The following UTS2 variants were observed in gnomAD, a reference collection of about 807,000 sequenced individuals.
The protein encoded by UTS2 is urotensin-2.
Under a neutral mutation model 12.6 loss-of-function variants are expected in UTS2, and 10 were observed. That is an observed-to-expected ratio of 0.80 (90% CI 0.49 to 1.35). UTS2 has a LOEUF of 1.35. UTS2 is among the 40% of genes most tolerant of loss of function. The pLI, the probability that UTS2 is intolerant of heterozygous loss-of-function variation, is 0.00. For missense variants in UTS2, 142 were observed against 143.2 expected (o/e 0.99, Z 0.04); for synonymous variants, 52 against 50.0 (o/e 1.04, Z -0.17).
chr1:7,853,244 G>A, upstream of UTS2: 1 of 1,602,470 alleles, frequency 6.2e-7, no homozygotes, highest in Non-Finnish European at 8.5e-7. Context: ...GTTGCCTAGT[G>A]TACAAAGTAG....
chr1:7,902,633 G>C, the UTS2 span, among the ~76,000 whole-genome samples: 2 of 152,084 alleles, frequency 1.3e-5, no homozygotes, highest in Non-Finnish European at 2.9e-5. Context: ...CGCTATGTTG[G>C]CCAGGCTGGT....
In UTS2 at chr1:7,847,709, A is replaced by AT. The variant is rs1348657211; in HGVS notation, c.*56dup. 7 of 1,355,148 alleles carry AT rather than the reference A, an allele frequency of 5.2e-6. No homozygotes were observed. The highest frequency in any genetic ancestry group is 2.5e-5 in the South Asian group (2 of 81,514). The allele number at this position is 1,355,148 out of a possible 1,614,324, so 83.9% of individuals were successfully genotyped here. A position where few individuals can be genotyped will look rare whatever the true frequency, so the allele number is the denominator to read the frequency against. On this transcript the variant is annotated 3_prime_UTR_variant, in exon 4 of 4. Coordinates refer to ENST00000361696, the MANE Select transcript of UTS2 (RefSeq NM_006786.4). ...CTGTTTTCAAATCAAGCATTGTGTT[A>AT]TTTTTCATATTCTAAGATGGGTGTT...
chr1:7,892,668 G>A, the UTS2 span, among the ~76,000 whole-genome samples: 7 of 151,512 alleles, frequency 4.6e-5, no homozygotes, highest in Non-Finnish European at 7.4e-5. Context: ...TAGTAGAGGC[G>A]GGGAGGCGGG....
chr1:7,907,813 G>A, the UTS2 span, among the ~76,000 whole-genome samples: 2 of 151,926 alleles, frequency 1.3e-5, no homozygotes, highest in South Asian at 2.1e-4. Flanking sequence ...CATTCCTTCC[G>A]GAATACTAAG....
chr1:7,909,537 ACT>A, the UTS2 span, among the ~76,000 whole-genome samples: 1 of 124,242 alleles, frequency 8.0e-6, no homozygotes, highest in Admixed American at 9.2e-5. Flanking sequence ...ACAGAGCAAG[ACT>A]CTGTCTCAAA....
the UTS2 span, among the ~76,000 whole-genome samples, chr1:7,866,352 G>A: frequency 6.6e-6 from 1 of 152,164 alleles, no homozygotes; most frequent in South Asian, 2.1e-4. This position sits in a 1 kb window ranked among gnomAD's most constrained non-coding sequence, Gnocchi z 4.5. Context: ...GACAGTAGAG[G>A]GGGTGTCAAG....
chr1:7,899,336 G>A, the UTS2 span, among the ~76,000 whole-genome samples: 1 of 152,138 alleles, frequency 6.6e-6, no homozygotes, highest in Non-Finnish European at 1.5e-5. Context: ...TACAGCGATC[G>A]TGACCATCTT....
the UTS2 span, among the ~76,000 whole-genome samples, chr1:7,903,971 C>G: frequency 0.063 from 9,541 of 152,168 alleles, 999 homozygotes; most frequent in African/African-American, 0.22. Flanking sequence ...GATGTACCTT[C>G]CACACAAGGG....
the UTS2 span, among the ~76,000 whole-genome samples, chr1:7,873,765 G>A: frequency 3.9e-5 from 6 of 152,122 alleles, no homozygotes; most frequent in Non-Finnish European, 7.3e-5. Flanking sequence ...AGAATATTCC[G>A]TAAACTTACT....
upstream of UTS2, among the ~76,000 whole-genome samples, chr1:7,853,831 G>C (rs576842122): frequency 1.1e-4 from 17 of 152,318 alleles, no homozygotes; most frequent in Middle Eastern, 0.01. Flanking sequence ...GTCTGCCTTC[G>C]GGCCTGCCAC....
At chr1:7,889,820 A>G in the UTS2 span, among the ~76,000 whole-genome samples, 4 of 152,152 alleles carry the variant, frequency 2.6e-5, no homozygotes, top group African/African-American at 9.7e-5. Flanking sequence ...TAATCACAGC[A>G]CTTTGGGAGG....
At chr1:7,895,377 T>A in the UTS2 span, among the ~76,000 whole-genome samples, 61,519 of 150,760 alleles carry the variant, frequency 0.41, 13,023 homozygotes, top group East Asian at 0.6. Flanking sequence ...CCCAAAAAAA[T>A]AAATAAATAA....
At chr1:7,860,345 CAAGG>C in the UTS2 span, among the ~76,000 whole-genome samples, 1 of 152,092 alleles carries the variant, frequency 6.6e-6, no homozygotes, top group South Asian at 2.1e-4. Flanking sequence ...CAGCGAGTGC[CAAGG>C]CCCTGGGGTG....
At chr1:7,877,139 A>G in the UTS2 span, among the ~76,000 whole-genome samples, 4 of 66,828 alleles carry the variant, frequency 6.0e-5, no homozygotes, top group Non-Finnish European at 1.3e-4. Flanking sequence ...AAAAAAAAAA[A>G]AAAGAAAAAA....
the UTS2 span, among the ~76,000 whole-genome samples, chr1:7,891,363 T>A: frequency 1.3e-5 from 2 of 151,814 alleles, no homozygotes; most frequent in Admixed American, 1.3e-4. Context: ...CGGTCTCTAC[T>A]AAAAATACAA....
chr1:7,886,108 C>G, the UTS2 span, among the ~76,000 whole-genome samples: 2 of 152,082 alleles, frequency 1.3e-5, no homozygotes, highest in African/African-American at 4.8e-5. Flanking sequence ...GTGCCCTACC[C>G]GGTAGCAGGA....
the UTS2 span, among the ~76,000 whole-genome samples, chr1:7,892,394 C>A: frequency 6.6e-6 from 1 of 151,746 alleles, no homozygotes; most frequent in South Asian, 2.1e-4. Context: ...CTTGGCCCTG[C>A]CTCCATCTGC....
At chr1:7,869,162 G>A in the UTS2 span, among the ~76,000 whole-genome samples, 1 of 152,224 alleles carries the variant, frequency 6.6e-6, no homozygotes, top group Non-Finnish European at 1.5e-5. Context: ...GCTGCCCAAG[G>A]TGGAGAGGCC....
the UTS2 span, among the ~76,000 whole-genome samples, chr1:7,897,876 C>T: frequency 6.6e-6 from 1 of 152,130 alleles, no homozygotes; most frequent in South Asian, 2.1e-4. Flanking sequence ...CATTAGCCAC[C>T]GTGCCCGACC....
Sources: gnomAD v4.1 joint callset for allele counts (sites outside exome capture counted in the v4.1 genomes callset) on GRCh38, gnomAD v4.1.1 for gene constraint, Gnocchi (gnomAD v3.1) non-coding constraint, MANE v1.5 for transcripts, NCBI Gene and HGNC (gene_info 2026-07-23, HGNC 2026-07-21) for gene names.